The following LIPH variants were observed in gnomAD, a reference collection of about 807,000 sequenced individuals.
LIPH encodes lipase H, also known as lipase member H.
LIPH carries 32 observed loss-of-function variants against 47.6 expected under a neutral mutation model. The observed-to-expected ratio is 0.67, with a 90% CI of 0.51 to 0.90. LIPH has a LOEUF of 0.90. LIPH is among the 40% of genes least tolerant of loss of function. The pLI, the probability that LIPH is intolerant of heterozygous loss-of-function variation, is 0.00. For missense variants in LIPH, 497 were observed against 541.4 expected, an observed-to-expected ratio of 0.92 and a Z score of 0.81; for synonymous variants, 190 against 195.6, an observed-to-expected ratio of 0.97 and a Z score of 0.24.
intron 8 of LIPH, among the ~76,000 whole-genome samples, chr3:185,512,600 T>C (rs1719604318): frequency 6.6e-6 from 1 of 151,530 alleles, no homozygotes; most frequent in Non-Finnish European, 1.5e-5. Flanking sequence ...GTCATTTTCC[T>C]GCCTCAGCCT....
intron 7 of LIPH, 35 bp from the exon 8 acceptor site, chr3:185,514,556 A>T: frequency 1.2e-6 from 1 of 842,626 alleles, no homozygotes; most frequent in Middle Eastern, 2.2e-4. Context: ...TAAGAGAGAG[A>T]TACTACCAAC....
Position 185,552,425 on chromosome 3 carries a change from G to C in LIPH, c.47C>G (p.Ser16Ter). The part of the protein sequence containing the change: ...LFISLLCLSR[S>*]DAEETCPSFT... ...AAACCAGTTTGTAAATAACCTACCT[G>C]ATCTTGACAAGCACAACAAACTGAT... Residue 16 changes from serine to a stop codon, truncating the protein, a stop_gained and splice_region_variant, in exon 1 of 10, where the codon TCA (serine) becomes TGA (stop). Coordinates refer to ENST00000296252, the MANE Select transcript of LIPH (RefSeq NM_139248.3). LOFTEE classifies it high-confidence loss of function. The C allele has an allele frequency of 2.5e-6, 4 of 1,602,466 alleles. No homozygotes were observed. The highest frequency in any genetic ancestry group is 3.4e-6 in the Non-Finnish European group (4 of 1,169,498).
intron 8 of LIPH, among the ~76,000 whole-genome samples, chr3:185,512,980 A>T (rs1719617882): frequency 6.6e-6 from 1 of 152,166 alleles, no homozygotes; most frequent in Admixed American, 6.5e-5. Context: ...GGTTGATTCC[A>T]TGGCTGGGGC....
chr3:185,539,706 G>A (rs908619522), intron 1 of LIPH, among the ~76,000 whole-genome samples: 1 of 152,128 alleles, frequency 6.6e-6, no homozygotes, highest in Non-Finnish European at 1.5e-5. Context: ...ATCAAATTGG[G>A]TATTATTTTA....
chr3:185,538,179 G>C (rs957943017), intron 1 of LIPH, among the ~76,000 whole-genome samples: 1 of 152,048 alleles, frequency 6.6e-6, no homozygotes, highest in African/African-American at 2.4e-5. Flanking sequence ...CGTAAGTATT[G>C]AGTGAAATAG....
intron 5 of LIPH, among the ~76,000 whole-genome samples, chr3:185,521,875 G>T (rs181331311): frequency 3.1e-4 from 47 of 152,272 alleles, no homozygotes; most frequent in Non-Finnish European, 6.2e-4. Context: ...GGGTGTATGT[G>T]TTAAAATGCC....
intron 3 of LIPH, among the ~76,000 whole-genome samples, chr3:185,528,355 A>AAAGAAAGAAAGC (rs1410025611): frequency 1.8e-4 from 28 of 151,722 alleles, no homozygotes; most frequent in African/African-American, 4.4e-4. Flanking sequence ...AGAAAGAAAG[A>AAAGAAAGAAAGC]AAGCGCTATA....
chr3:185,517,651 T>C (rs899479774), intron 6 of LIPH, among the ~76,000 whole-genome samples: 1 of 152,122 alleles, frequency 6.6e-6, no homozygotes. Flanking sequence ...GTTTTTGCTG[T>C]CCAGAGGGCC....
Position 185,508,265 on chromosome 3 carries a change from A to G in LIPH, c.*525T>C, listed in dbSNP as rs1380438407. On this transcript the variant is annotated 3_prime_UTR_variant, in exon 10 of 10. Transcript: ENST00000296252. The stretch of plus-strand genomic sequence containing the variant: ...CATATTCACATTTATCAAACATCTC[A>G]TAGATGTGGCACCTATGGGATTTCA... 1 of 162,360 alleles carries G rather than the reference A, an allele frequency of 6.2e-6. No homozygotes were observed. The highest frequency in any genetic ancestry group is 2.4e-5 in the African/African-American group (1 of 41,650). 10.1% of individuals were successfully genotyped at this position (162,360 alleles called of 1,614,324 possible). A position where few individuals can be genotyped will look rare whatever the true frequency, so the allele number is the denominator to read the frequency against.
intron 1 of LIPH, among the ~76,000 whole-genome samples, chr3:185,540,346 T>C (rs1720663664): frequency 6.6e-6 from 1 of 152,214 alleles, no homozygotes; most frequent in African/African-American, 2.4e-5. Flanking sequence ...GGTTCTTTTG[T>C]ATGTATGTGT....
chr3:185,514,978 T>C (rs1374298691), intron 7 of LIPH, among the ~76,000 whole-genome samples: 3 of 152,152 alleles, frequency 2.0e-5, no homozygotes, highest in Non-Finnish European at 4.4e-5. Context: ...CCCTGCACTG[T>C]GAAGGCTCCT....
intron 3 of LIPH, among the ~76,000 whole-genome samples, chr3:185,528,323 G>GAAAAGAAAGAAAGAAAGAAAGA (rs1553822820): frequency 8.0e-6 from 1 of 125,514 alleles, no homozygotes; most frequent in South Asian, 3.0e-4. Context: ...AAGAAAGAAA[G>GAAAAGAAAGAAAGAAAGAAAGA]AAGAAAGAAA....
chr3:185,533,442 AC>A (rs200528041), intron 3 of LIPH, 128 bp downstream of exon 3: 22,863 of 748,934 alleles, frequency 0.031, 477 homozygotes, highest in Middle Eastern at 0.057. Context: ...GCATGCAATG[AC>A]CCACACTCAG....
At chr3:185,533,757 G>T in intron 2 of LIPH, 78 bp from the exon 3 acceptor site, 2 of 932,830 alleles carry the variant, frequency 2.1e-6, no homozygotes, top group Non-Finnish European at 3.5e-6. Flanking sequence ...CCTGGCTGTT[G>T]ACTTTGGAGA....
At chr3:185,528,323 GAAGAAAGA>G (rs11457702) in intron 3 of LIPH, among the ~76,000 whole-genome samples, 3 of 125,512 alleles carry the variant, frequency 2.4e-5, no homozygotes, top group African/African-American at 6.2e-5. Flanking sequence ...AAGAAAGAAA[GAAGAAAGA>G]AAGAAAGAAA....
rs1157940221 is a variant in LIPH at position 185,514,422 on chromosome 3, G to C, written c.1082C>G (p.Ser361Cys). 4.0e-6 allele frequency: 6 copies of C among 1,490,736 alleles called. No homozygotes were observed. The African/African-American group carries it at 6.9e-5, about 17-fold the overall frequency. 92.3% of individuals were successfully genotyped at this position (1,490,736 alleles called of 1,614,324 possible). ...LRDKAGNTTESKINHEPTTFQ... is the reference protein window; with the variant it reads ...LRDKAGNTTECKINHEPTTFQ... ...TAACTCAACTTACTGATTGATTTTG[G>C]ATTCTGTGGTGTTTCCAGCTTTGTC... Residue 361 changes from serine to cysteine, a missense_variant, in exon 8 of 10, where the codon TCC becomes TGC. Transcript: ENST00000296252.
At position 185,534,843 on chromosome 3, in the gene LIPH, T is replaced by G; in HGVS notation, c.339A>C (p.Thr113=). Residue 113 remains threonine (T), a synonymous_variant, in exon 2 of 10, where the codon ACA becomes ACC. Transcript: ENST00000296252. ...VVVVDWNRGA[T]TLIYTHASSK... Reference sequence around the variant, plus strand: ...TAGAGGCATGGGTATATATTAAAGTTGTAGCTCCTCGATTCCAATCAACAA... The same window carrying G: ...TAGAGGCATGGGTATATATTAAAGTGGTAGCTCCTCGATTCCAATCAACAA... 1 of 1,614,126 alleles carries G rather than the reference T, an allele frequency of 6.2e-7. No individual in the cohort carries two copies. The highest frequency in any genetic ancestry group is 8.5e-7 in the Non-Finnish European group (1 of 1,179,950).
At chr3:185,512,411 A>C (rs1719594944) in intron 8 of LIPH, among the ~76,000 whole-genome samples, 1 of 151,738 alleles carries the variant, frequency 6.6e-6, no homozygotes, top group South Asian at 2.1e-4. Flanking sequence ...CAGCTCACTC[A>C]CTGTCTTTCT....
rs573398543 is a variant in LIPH at position 185,537,259 on chromosome 3, G to A, written c.50-2127C>T. Among the ~76,000 whole-genome samples the A allele has an allele frequency of 1.2e-4, 19 of 152,074 alleles. No homozygotes were observed. The South Asian group carries it at 1.5e-3, about 12-fold the overall frequency. On this transcript the variant is annotated intron_variant, in intron 1 of 9. Coordinates refer to ENST00000296252, the MANE Select transcript of LIPH (RefSeq NM_139248.3). The stretch of plus-strand genomic sequence containing the variant: ...TCCTCTGTTTAGTGCTCAAAACTGC[G>A]GTTAATCAGGTAGATAAATAATCAG...
Sources: allele counts gnomAD v4.1 joint callset (sites outside exome capture counted in the v4.1 genomes callset), GRCh38; gene constraint gnomAD v4.1.1; transcripts MANE v1.5; gene names NCBI Gene and HGNC (gene_info 2026-07-23, HGNC 2026-07-21).